The following MC2R variants were observed in gnomAD, a reference collection of about 807,000 sequenced individuals.
MC2R encodes the protein adrenocorticotropic hormone receptor.
In MC2R, 9 loss-of-function variants were observed where a neutral mutation model predicts 9.8. The ratio of observed to expected loss-of-function variants is 0.92; its 90% CI spans 0.55 to 1.60. MC2R has a LOEUF of 1.60. MC2R is among the 40% of genes most tolerant of loss of function. MC2R has a pLI of 0.00. For synonymous variants in MC2R, 185 were observed against 154.7 expected, an observed-to-expected ratio of 1.20 and a Z score of -1.45; for missense variants, 370 against 389.0, an observed-to-expected ratio of 0.95 and a Z score of 0.41.
chr18:13,903,480 G>A (rs775640377), intron 1 of MC2R, among the ~76,000 whole-genome samples: 16 of 152,112 alleles, frequency 1.1e-4, no homozygotes, highest in Non-Finnish European at 2.1e-4. Context: ...AGAAAATATG[G>A]TACATATACA....
At chr18:13,913,018 T>C (rs1424511218) in intron 1 of MC2R, among the ~76,000 whole-genome samples, 2 of 152,182 alleles carry the variant, frequency 1.3e-5, no homozygotes, top group Non-Finnish European at 2.9e-5. Context: ...TTTCCGACAC[T>C]TCACAGAGAA....
chr18:13,886,088 CG>C (rs1187667201), intron 1 of MC2R, among the ~76,000 whole-genome samples: 1 of 132,810 alleles, frequency 7.5e-6, no homozygotes, highest in East Asian at 2.4e-4. Flanking sequence ...TGGGAGGGGG[CG>C]GGTGATGAGA....
chr18:13,893,979 TG>T (rs2045331737), intron 1 of MC2R, among the ~76,000 whole-genome samples: 1 of 152,208 alleles, frequency 6.6e-6, no homozygotes, highest in African/African-American at 2.4e-5. Flanking sequence ...CACCTCTTCA[TG>T]AGGAGGCACT....
intron 1 of MC2R, among the ~76,000 whole-genome samples, 182 bp from the exon 2 acceptor site, chr18:13,885,828 A>G (rs369402180): frequency 2.5e-4 from 38 of 152,332 alleles, no homozygotes; most frequent in African/African-American, 9.1e-4. Flanking sequence ...GGAATCAACT[A>G]AAGTGTTCAT....
intron 1 of MC2R, among the ~76,000 whole-genome samples, chr18:13,888,507 A>G (rs1441478598): frequency 6.6e-6 from 1 of 152,230 alleles, no homozygotes; most frequent in Admixed American, 6.5e-5. Context: ...GCAAACGCCC[A>G]AAGCCACAGT....
chr18:13,908,706 T>TTTGTGTGTG (rs374040158), intron 1 of MC2R, among the ~76,000 whole-genome samples: 7,217 of 142,596 alleles, frequency 0.051, 264 homozygotes, highest in African/African-American at 0.097. Context: ...CAGGAGCTTC[T>TTTGTGTGTG]TGTGTGTGTG....
intron 1 of MC2R, among the ~76,000 whole-genome samples, chr18:13,894,814 T>A (rs1278280981): frequency 6.6e-6 from 1 of 152,196 alleles, no homozygotes; most frequent in Non-Finnish European, 1.5e-5. Context: ...ACTTTTCGAA[T>A]CTTTCCTCTG....
At chr18:13,897,277 A>G (rs12970246) in intron 1 of MC2R, among the ~76,000 whole-genome samples, 1 of 152,142 alleles carries the variant, frequency 6.6e-6, no homozygotes, top group Non-Finnish European at 1.5e-5. Context: ...AGATAACCAG[A>G]CTACACTCGG....
At chr18:13,905,058 G>C (rs1409691087) in intron 1 of MC2R, among the ~76,000 whole-genome samples, 1 of 152,154 alleles carries the variant, frequency 6.6e-6, no homozygotes, top group Non-Finnish European at 1.5e-5. Context: ...ACACTAAAGA[G>C]CTTCTGCACA....
intron 1 of MC2R, among the ~76,000 whole-genome samples, chr18:13,911,167 G>A (rs909090788): frequency 6.6e-5 from 10 of 152,312 alleles, no homozygotes; most frequent in African/African-American, 2.2e-4. Context: ...GGGACTAGGG[G>A]CCAAAGGACA....
rs922947121 is a variant in MC2R at position 13,884,391 on chromosome 18, A to G, written c.*234T>C. The G allele has an allele frequency of 3.4e-5, 20 of 589,886 alleles. No homozygotes were observed. Among genetic ancestry groups the G allele is most frequent in the Non-Finnish European group, 4.8e-5 (16 of 331,228 alleles). The allele number at this position is 589,886 out of a possible 1,614,324, so 36.5% of individuals were successfully genotyped here. A position where few individuals can be genotyped will look rare whatever the true frequency, so the allele number is the denominator to read the frequency against. On this transcript the variant is annotated 3_prime_UTR_variant, in exon 2 of 2. Transcript: ENST00000327606. ...GTACCTACCTAATACTTTGTATTCTATCCTTCTTTTACTACATCGTTTTAT... is the reference window on the plus strand; with the variant it reads ...GTACCTACCTAATACTTTGTATTCTGTCCTTCTTTTACTACATCGTTTTAT...
chr18:13,909,129 A>G (rs906310499), intron 1 of MC2R, among the ~76,000 whole-genome samples: 1 of 152,040 alleles, frequency 6.6e-6, no homozygotes, highest in African/African-American at 2.4e-5. Context: ...TGGTTGTGAC[A>G]TTTTCTCAGA....
chr18:13,885,645 A>T lies in MC2R; in HGVS notation c.-127T>A. On this transcript the variant is annotated splice_region_variant and 5_prime_UTR_variant, in exon 2 of 2. Transcript: ENST00000327606. The stretch of plus-strand genomic sequence containing the variant: ...AGATCTAAGTTAAAATCTCCCAATC[A>T]CCTAAAAGGGAGTATACAGAAATAT... The T allele has an allele frequency of 9.4e-7, 1 of 1,059,032 alleles. No homozygotes were observed. Among genetic ancestry groups the T allele is most frequent in the Non-Finnish European group, 1.4e-6 (1 of 703,380 alleles). The allele number at this position is 1,059,032 out of a possible 1,614,324, so 65.6% of individuals were successfully genotyped here.
chr18:13,915,587 A>C (rs2045471283), upstream of MC2R: 1 of 152,908 alleles, frequency 6.5e-6, no homozygotes, highest in Non-Finnish European at 1.5e-5. Flanking sequence ...GAAGGGCCGG[A>C]ACACATGCAT....
At chr18:13,905,401 G>A (rs146442669) in intron 1 of MC2R, among the ~76,000 whole-genome samples, 1,888 of 151,906 alleles carry the variant, frequency 0.012, 24 homozygotes, top group African/African-American at 0.043. Flanking sequence ...CAGAAGAATC[G>A]CTTGAATCCG....
chr18:13,914,605 CATGTATGT>C (rs1232963679), intron 1 of MC2R, among the ~76,000 whole-genome samples: 1 of 151,938 alleles, frequency 6.6e-6, no homozygotes, highest in Admixed American at 6.6e-5. Flanking sequence ...TTTTTGCATG[CATGTATGT>C]ATGTATGTTT....
At position 13,884,597 on chromosome 18, in the gene MC2R, T is replaced by C; in HGVS notation, c.*28A>G. 6.2e-7 allele frequency: 1 copy of C among 1,608,646 alleles called. No homozygotes were observed. Among genetic ancestry groups the C allele is most frequent in the Non-Finnish European group, 8.5e-7 (1 of 1,179,090 alleles). ...CTGGCACTTGGCAACGTTATTCCCA[T>C]GGATTCTAAAACCAGGGATCAGCCA... On this transcript the variant is annotated 3_prime_UTR_variant, in exon 2 of 2. Coordinates refer to ENST00000327606, the MANE Select transcript of MC2R (RefSeq NM_000529.2).
At chr18:13,900,176 TAA>T (rs1458759227) in intron 1 of MC2R, among the ~76,000 whole-genome samples, 1 of 152,138 alleles carries the variant, frequency 6.6e-6, no homozygotes, top group Non-Finnish European at 1.5e-5. Context: ...CAAACAATGT[TAA>T]GTTGTTATCA....
intron 1 of MC2R, among the ~76,000 whole-genome samples, chr18:13,894,233 T>A (rs2045333704): frequency 6.6e-6 from 1 of 152,140 alleles, no homozygotes; most frequent in Non-Finnish European, 1.5e-5. Flanking sequence ...ACAGGTGACC[T>A]TTTGTTCTTT....
Sources: gnomAD v4.1 joint callset for allele counts (sites outside exome capture counted in the v4.1 genomes callset) on GRCh38, gnomAD v4.1.1 for gene constraint, MANE v1.5 for transcripts, NCBI Gene and HGNC (gene_info 2026-07-23, HGNC 2026-07-21) for gene names.